The following SPINK9 variants were observed in gnomAD, a reference collection of about 807,000 sequenced individuals.
SPINK9 encodes the protein serine peptidase inhibitor Kazal type 9.
Under a neutral mutation model 10.8 loss-of-function variants are expected in SPINK9, and 3 were observed. The observed-to-expected ratio is 0.28, with a 90% CI of 0.13 to 0.72. SPINK9 has a LOEUF of 0.72. Ranked by LOEUF, SPINK9 falls within the 30% of genes least tolerant of loss-of-function variation. The pLI, the probability that SPINK9 is intolerant of heterozygous loss-of-function variation, is 0.74. For synonymous variants in SPINK9, 30 were observed against 31.2 expected (o/e 0.96, Z 0.12); for missense variants, 101 against 103.2 (o/e 0.98, Z 0.09).
At chr5:148,336,812 A>T (rs1189001481) in intron 2 of SPINK9, among the ~76,000 whole-genome samples, 1 of 152,244 alleles carries the variant, frequency 6.6e-6, no homozygotes, top group Non-Finnish European at 1.5e-5. Flanking sequence ...CATGATTCTT[A>T]TAATTTTTAA....
chr5:148,334,959 C>T (rs1021948924), upstream of SPINK9, among the ~76,000 whole-genome samples: 1 of 152,132 alleles, frequency 6.6e-6, no homozygotes, highest in Admixed American at 6.6e-5. Flanking sequence ...AGTTTCAGCT[C>T]TCAGAGATAG....
chr5:148,328,954 C>A (rs183570291), intron 2 of SPINK9, among the ~76,000 whole-genome samples: 2 of 152,262 alleles, frequency 1.3e-5, no homozygotes, highest in African/African-American at 4.8e-5. Flanking sequence ...GGATATTGGT[C>A]TAAAATTCTC....
At chr5:148,328,258 C>T in intron 2 of SPINK9, among the ~76,000 whole-genome samples, 1 of 152,082 alleles carries the variant, frequency 6.6e-6, no homozygotes. Flanking sequence ...ATTTTATTCT[C>T]TTTGAAGCAA....
At chr5:148,326,698 G>A (rs1398991042) in intron 2 of SPINK9, among the ~76,000 whole-genome samples, 2 of 151,236 alleles carry the variant, frequency 1.3e-5, no homozygotes, top group East Asian at 2.0e-4. Context: ...GGTGTGTGAT[G>A]TTCCCCTTCC....
intron 2 of SPINK9, among the ~76,000 whole-genome samples, chr5:148,327,416 G>C (rs1051485189): frequency 6.6e-6 from 1 of 152,082 alleles, no homozygotes; most frequent in Non-Finnish European, 1.5e-5. Context: ...CCCTTTGTCA[G>C]ATGAGTAGGT....
intron 1 of SPINK9, among the ~76,000 whole-genome samples, chr5:148,322,149 A>C (rs1227496256): frequency 6.6e-6 from 1 of 152,234 alleles, no homozygotes; most frequent in Non-Finnish European, 1.5e-5. Context: ...ATGTTTAATC[A>C]CTATAGTCTA....
At chr5:148,323,616 G>A in intron 1 of SPINK9, 1 of 506,028 alleles carries the variant, frequency 2.0e-6, no homozygotes, top group Non-Finnish European at 3.5e-6. Context: ...CACATGGGAA[G>A]CTGCTAACTT....
intron 2 of SPINK9, among the ~76,000 whole-genome samples, chr5:148,327,993 T>C (rs1262315864): frequency 6.6e-6 from 1 of 151,122 alleles, no homozygotes; most frequent in Non-Finnish European, 1.5e-5. Context: ...ATGCGGGCTC[T>C]TTTTTGGTTC....
upstream of SPINK9, among the ~76,000 whole-genome samples, chr5:148,334,882 T>C (rs1373780033): frequency 6.6e-6 from 1 of 152,134 alleles, no homozygotes; most frequent in Non-Finnish European, 1.5e-5. Flanking sequence ...AGCGGATAAA[T>C]AGCTTGTACA....
intron 2 of SPINK9, among the ~76,000 whole-genome samples, chr5:148,326,032 T>C (rs998269107): frequency 1.3e-5 from 2 of 152,168 alleles, no homozygotes; most frequent in Non-Finnish European, 2.9e-5. Context: ...ATCCAAAATA[T>C]ACAAGGAACT....
chr5:148,338,432 A>G (rs750713606), intron 2 of SPINK9, 46 bp from the exon 3 acceptor site: 4 of 1,550,408 alleles, frequency 2.6e-6, no homozygotes, highest in Non-Finnish European at 3.5e-6. Flanking sequence ...TCCTGATAAT[A>G]AAGATTTGGT....
At chr5:148,336,313 T>C (rs1029491116) in intron 1 of SPINK9, 109 bp from the exon 2 acceptor site, 4 of 1,159,090 alleles carry the variant, frequency 3.5e-6, no homozygotes, top group Non-Finnish European at 5.1e-6. Context: ...AAGAGAGACT[T>C]ACATTTTTAT....
Position 148,335,850 on chromosome 5 carries a change from T to C in SPINK9, c.55+182T>C, listed in dbSNP as rs1287289927. 2.0e-5 allele frequency among the ~76,000 whole-genome samples: 3 copies of C among 152,202 alleles called. No homozygotes were observed. The East Asian group carries it at 5.8e-4, about 29-fold the overall frequency. ...CATCACCTCAGGGGTAGAGTGGATG[T>C]TAACAGTCATCTAAAGTCAAATGCT... is the stretch of plus-strand genomic sequence containing the variant. On this transcript the variant is annotated intron_variant, in intron 1 of 3. Transcript: ENST00000377906.
upstream of SPINK9, among the ~76,000 whole-genome samples, chr5:148,331,406 T>G (rs928350483): frequency 1.3e-5 from 2 of 152,186 alleles, no homozygotes; most frequent in African/African-American, 2.4e-5. Flanking sequence ...CTCACTTATA[T>G]GTGGAATCTA....
chr5:148,331,424 C>G (rs938416967), upstream of SPINK9, among the ~76,000 whole-genome samples: 5 of 152,138 alleles, frequency 3.3e-5, no homozygotes, highest in Admixed American at 6.5e-5. Flanking sequence ...CTAAAAGAAT[C>G]AAACTCATAG....
chr5:148,330,431 C>T (rs1269496471), intron 2 of SPINK9, among the ~76,000 whole-genome samples: 4 of 152,278 alleles, frequency 2.6e-5, no homozygotes, highest in Non-Finnish European at 5.9e-5. Context: ...CTGAATACAG[C>T]ACACTGATGG....
At chr5:148,334,859 A>G (rs1354736948), upstream of SPINK9, among the ~76,000 whole-genome samples, 4 of 152,198 alleles carry the variant, frequency 2.6e-5, no homozygotes, top group South Asian at 2.1e-4. Flanking sequence ...GATTAAAAAA[A>G]GCCAAGGCTT....
At chr5:148,335,282 T>C (rs931129599), upstream of SPINK9, among the ~76,000 whole-genome samples, 1 of 152,224 alleles carries the variant, frequency 6.6e-6, no homozygotes, top group African/African-American at 2.4e-5. Context: ...GGCTTGTCTA[T>C]TGCAAGTTAT....
At chr5:148,326,193 G>A (rs1757057707) in intron 2 of SPINK9, among the ~76,000 whole-genome samples, 1 of 152,126 alleles carries the variant, frequency 6.6e-6, no homozygotes, top group Non-Finnish European at 1.5e-5. Context: ...AACCACAATA[G>A]TATATCACTT....
Sources: allele counts gnomAD v4.1 joint callset (sites outside exome capture counted in the v4.1 genomes callset), GRCh38; gene constraint gnomAD v4.1.1; transcripts MANE v1.5; gene names NCBI Gene and HGNC (gene_info 2026-07-23, HGNC 2026-07-21).